The following OR1F1 variants were observed in gnomAD, a reference collection of about 807,000 sequenced individuals.
The protein encoded by OR1F1 is olfactory receptor 1F1.
For missense variants in OR1F1, 493 were observed against 376.3 expected, an observed-to-expected ratio of 1.31 and a Z score of -2.57; for synonymous variants, 184 against 156.7, an observed-to-expected ratio of 1.17 and a Z score of -1.30.
upstream of OR1F1, among the ~76,000 whole-genome samples, chr16:3,201,116 C>T (rs1314301920): frequency 6.6e-6 from 1 of 152,146 alleles, no homozygotes; most frequent in Non-Finnish European, 1.5e-5. Flanking sequence ...AGCATAATGT[C>T]TCAGGGTTCA....
the OR1F1 span, among the ~76,000 whole-genome samples, chr16:3,191,501 G>A: frequency 6.6e-6 from 1 of 152,140 alleles, no homozygotes; most frequent in Non-Finnish European, 1.5e-5. Context: ...TCCCAGGGAA[G>A]CCCGGCTAGC....
At chr16:3,188,819 C>T in the OR1F1 span, among the ~76,000 whole-genome samples, 1 of 152,198 alleles carries the variant, frequency 6.6e-6, no homozygotes, top group Admixed American at 6.5e-5. Context: ...AACCGATGCC[C>T]GACGCCTGCT....
At chr16:3,190,171 C>T in the OR1F1 span, among the ~76,000 whole-genome samples, 1 of 152,114 alleles carries the variant, frequency 6.6e-6, no homozygotes, top group African/African-American at 2.4e-5. Context: ...TGGGTGTTTG[C>T]GTCTGGGGTC....
rs201430830 is a variant in OR1F1 at position 3,204,970 on chromosome 16, G to C, written c.724G>C (p.Gly242Arg). 4.7e-5 allele frequency: 76 copies of C among 1,614,124 alleles called. No homozygotes were observed. The highest frequency in any genetic ancestry group is 3.3e-4 in the Middle Eastern group (2 of 6,062). ...AAGGTGGAAAGCCTTCTCCACCTGT[G>C]GTTCTCACCTGGCTGTGGTTCTCCT... Residue 242 changes from glycine to arginine, a missense_variant, in exon 1 of 1, where the codon GGT (glycine) becomes CGT (arginine). Coordinates refer to ENST00000304646, the Ensembl canonical transcript of OR1F1.
chr16:3,194,716 G>A, the OR1F1 span, among the ~76,000 whole-genome samples: 1 of 152,154 alleles, frequency 6.6e-6, no homozygotes, highest in Non-Finnish European at 1.5e-5. Flanking sequence ...GAAAACAGAG[G>A]TCTCTTTTGG....
At chr16:3,198,209 G>A in the OR1F1 span, among the ~76,000 whole-genome samples, 14 of 152,102 alleles carry the variant, frequency 9.2e-5, no homozygotes, top group South Asian at 4.2e-4. Flanking sequence ...CACGCAGATG[G>A]AGGCTAACAG....
chr16:3,202,184 TG>T (rs200139115), upstream of OR1F1, among the ~76,000 whole-genome samples: 45 of 152,324 alleles, frequency 3.0e-4, 1 homozygote, highest in East Asian at 8.3e-3. Flanking sequence ...GGAAGTTTCA[TG>T]TGCCCTGTGG....
the OR1F1 span, among the ~76,000 whole-genome samples, chr16:3,193,717 C>A: frequency 6.6e-6 from 1 of 152,296 alleles, no homozygotes; most frequent in African/African-American, 2.4e-5. Flanking sequence ...CCAGCCTCAG[C>A]CTCCCAAGTA....
chr16:3,196,225 A>G, the OR1F1 span, among the ~76,000 whole-genome samples: 6 of 152,216 alleles, frequency 3.9e-5, no homozygotes, highest in Admixed American at 1.3e-4. Context: ...TGTGTTGAGC[A>G]CATGTTTCCT....
chr16:3,202,355 T>C (rs1009587212), upstream of OR1F1, among the ~76,000 whole-genome samples: 1 of 152,176 alleles, frequency 6.6e-6, no homozygotes, highest in Non-Finnish European at 1.5e-5. Flanking sequence ...CTGAATTTGG[T>C]CTGGCCTGAA....
chr16:3,200,084 T>C (rs1317238751), upstream of OR1F1, among the ~76,000 whole-genome samples: 1 of 151,224 alleles, frequency 6.6e-6, no homozygotes, highest in African/African-American at 2.4e-5. Context: ...GAGAGGGAAC[T>C]GAGGGCAGGC....
upstream of OR1F1, among the ~76,000 whole-genome samples, chr16:3,200,228 A>C (rs9940294): frequency 0.28 from 42,085 of 151,916 alleles, 6,481 homozygotes; most frequent in African/African-American, 0.42. Context: ...TCAGTGCACA[A>C]GTGCTGTAGC....
upstream of OR1F1, among the ~76,000 whole-genome samples, chr16:3,203,634 C>T (rs557076080): frequency 5.3e-5 from 8 of 152,238 alleles, no homozygotes; most frequent in South Asian, 2.1e-4. Flanking sequence ...CGTGGTGGCA[C>T]GTGCCTATAA....
chr16:3,201,585 G>T (rs565425448), upstream of OR1F1, among the ~76,000 whole-genome samples: 2 of 152,158 alleles, frequency 1.3e-5, no homozygotes, highest in African/African-American at 4.8e-5. Context: ...CTGGATTCCC[G>T]CATGGAATGG....
At chr16:3,204,378 C>G (rs1295943202) in exon 1 of OR1F1, 1 of 1,614,100 alleles carries the variant, frequency 6.2e-7, no homozygotes. Flanking sequence ...GGAACCTGCT[C>G]ATCATCCTGT....
At chr16:3,196,319 G>A in the OR1F1 span, among the ~76,000 whole-genome samples, 6 of 152,318 alleles carry the variant, frequency 3.9e-5, no homozygotes, top group South Asian at 2.1e-4. Flanking sequence ...TTTGGATGAA[G>A]GTTAGTAACG....
the OR1F1 span, among the ~76,000 whole-genome samples, chr16:3,197,315 A>G: frequency 2.0e-5 from 3 of 152,130 alleles, no homozygotes; most frequent in African/African-American, 7.2e-5. Flanking sequence ...CACTGTGCCC[A>G]GCCCAAAACT....
chr16:3,197,279 A>C, the OR1F1 span, among the ~76,000 whole-genome samples: 1 of 151,962 alleles, frequency 6.6e-6, no homozygotes, highest in East Asian at 1.9e-4. Flanking sequence ...TCGGCCTCCC[A>C]AAGTGCTGGG....
chr16:3,195,432 T>C, the OR1F1 span, among the ~76,000 whole-genome samples: 1 of 152,006 alleles, frequency 6.6e-6, no homozygotes, highest in Admixed American at 6.6e-5. Context: ...CCCGGCGCGG[T>C]GGCTCAGAGA....
Sources: gnomAD v4.1 joint callset for allele counts (sites outside exome capture counted in the v4.1 genomes callset) on GRCh38, gnomAD v4.1.1 for gene constraint, MANE v1.5 for transcripts, NCBI Gene and HGNC (gene_info 2026-07-23, HGNC 2026-07-21) for gene names.